Variants in SIDT2 observed in about 807,000 individuals in gnomAD.
The protein encoded by SIDT2 is SID1 transmembrane family member 2.
SIDT2 carries 68 observed loss-of-function variants against 114.4 expected under a neutral mutation model. The observed-to-expected ratio is 0.59, with a 90% confidence interval of 0.49 to 0.73. SIDT2 has a LOEUF of 0.73. Among genes scored for constraint, SIDT2 ranks in the 30% least tolerant of loss-of-function variants. The pLI is 0.00. For synonymous variants in SIDT2, 470 were observed against 438.4 expected (o/e 1.07, Z -0.90); for missense variants, 918 against 1,097.1 (o/e 0.84, Z 2.31).
At chr11:117,194,870 C>T (rs540566665) in intron 24 of SIDT2, among the ~76,000 whole-genome samples, 15 of 152,020 alleles carry the variant, frequency 9.9e-5, no homozygotes, top group Admixed American at 6.6e-5. Context: ...GGGTGGATCA[C>T]GAGGTCAAGA....
intron 1 of SIDT2, among the ~76,000 whole-genome samples, chr11:117,181,148 G>C (rs1035869187): frequency 3.3e-5 from 5 of 152,114 alleles, no homozygotes; most frequent in African/African-American, 9.7e-5. Context: ...GGCCTCCACC[G>C]TGTTTCCTGG....
intron 24 of SIDT2, among the ~76,000 whole-genome samples, chr11:117,195,001 G>A (rs1031279513): frequency 6.7e-5 from 10 of 148,152 alleles, no homozygotes; most frequent in Non-Finnish European, 1.3e-4. Flanking sequence ...GCAGGAGAAC[G>A]GCTTGGACCC....
In SIDT2 at chr11:117,184,551, C is replaced by T. The variant is rs958702414; in HGVS notation, c.868+412C>T. The stretch of plus-strand genomic sequence containing the variant: ...AGATTGAGTCTCAGTTTCCCTGTCT[C>T]TATAACAGAGGGAGTAAAATTTGTC... On this transcript the variant is annotated intron_variant, in intron 8 of 25. Transcript: ENST00000324225. Among the ~76,000 whole-genome samples the T allele has an allele frequency of 2.0e-5, 3 of 152,142 alleles. 1 individual carries two copies. Among genetic ancestry groups the T allele is most frequent in the Admixed American group, 6.5e-5 (1 of 15,280 alleles).
At position 117,190,003 on chromosome 11, in the gene SIDT2, G is replaced by A. The variant is rs1373382183; in HGVS notation, c.1471G>A (p.Ala491Thr). The A allele has an allele frequency of 1.2e-6, 2 of 1,614,104 alleles. No homozygotes were observed. The highest frequency in any genetic ancestry group is 1.1e-5 in the South Asian group (1 of 91,082). ...QDICYYNFLCAHPLGNLSAFN... is the reference protein window; with the variant it reads ...QDICYYNFLCTHPLGNLSAFN... ...CATCTGCTACTACAACTTCCTCTGCGCCCACCCACTGGGCAATCTCAGGTG... is the reference window on the plus strand; with the variant it reads ...CATCTGCTACTACAACTTCCTCTGCACCCACCCACTGGGCAATCTCAGGTG... Residue 491 changes from alanine to threonine, a missense_variant, in exon 16 of 26, where the codon GCC (alanine) becomes ACC (threonine). Ala to Thr is a moderately conservative substitution (Grantham distance 58, BLOSUM62 0). Coordinates refer to ENST00000324225, the MANE Select transcript of SIDT2 (RefSeq NM_001040455.2). This position sits in a 1 kb window ranked among gnomAD's most constrained non-coding sequence, Gnocchi z 4.1.
intron 10 of SIDT2, 115 bp from the exon 11 acceptor site, chr11:117,187,263 G>A (rs1026792577): frequency 4.6e-5 from 50 of 1,093,508 alleles, no homozygotes; most frequent in Non-Finnish European, 6.3e-5. Flanking sequence ...GCTGCTTCTC[G>A]TCTGCTGGCA....
intron 24 of SIDT2, chr11:117,194,230 G>A (rs1314325706): frequency 3.0e-6 from 1 of 338,926 alleles, no homozygotes; most frequent in East Asian, 6.6e-5. Context: ...CAAGAAGATA[G>A]CCTGTGCAGG....
At chr11:117,195,671 G>A (rs1267144294) in intron 24 of SIDT2, 131 bp from the exon 25 acceptor site, 1 of 856,950 alleles carries the variant, frequency 1.2e-6, no homozygotes, top group Non-Finnish European at 1.9e-6. Context: ...AAGGACAAGG[G>A]ACAGGTCAGA....
Position 117,182,512 on chromosome 11 carries a change from C to A in SIDT2, c.517-7C>A, listed in dbSNP as rs1406779837. 6.2e-7 allele frequency: 1 copy of A among 1,612,950 alleles called. No individual in the cohort carries two copies. ...ATGGGGCTCTCCCTTCCTTCCTGCA[C>A]CCTCAGTACTTCAAGTATGAGTTCC... is the stretch of plus-strand genomic sequence containing the variant. On this transcript the variant is annotated splice_polypyrimidine_tract_variant and splice_region_variant and intron_variant, in intron 4 of 25. Transcript: ENST00000324225.
At position 117,186,651 on chromosome 11, in the gene SIDT2, C is replaced by A. The variant is rs1332505376; in HGVS notation, c.1015+15C>A. 5 of 1,549,536 alleles carry A rather than the reference C, an allele frequency of 3.2e-6. No individual in the cohort carries two copies. In the Admixed American group the frequency reaches 8.2e-5, roughly 25 times the overall value. ...CCCAGAAAGCGGTACCTCCAGGGGGCCTGGGTGGGGCGGGCACAGTGTGCT... is the reference window on the plus strand; with the variant it reads ...CCCAGAAAGCGGTACCTCCAGGGGGACTGGGTGGGGCGGGCACAGTGTGCT... On this transcript the variant is annotated intron_variant, in intron 10 of 25. Transcript: ENST00000324225.
intron 24 of SIDT2, among the ~76,000 whole-genome samples, chr11:117,194,959 C>T (rs1174540522): frequency 6.6e-6 from 1 of 151,476 alleles, no homozygotes; most frequent in Non-Finnish European, 1.5e-5. Flanking sequence ...TGATGGTGGG[C>T]GCCTGTAGTC....
Position 117,190,586 on chromosome 11 carries a change from C to T in SIDT2, c.1618-37C>T, listed in dbSNP as rs757040088. 11 of 1,515,918 alleles carry T rather than the reference C, an allele frequency of 7.3e-6. No homozygotes were observed. In the East Asian group the frequency reaches 1.7e-4, roughly 23 times the overall value. The allele number at this position is 1,515,918 out of a possible 1,614,324, so 93.9% of individuals were successfully genotyped here. A position where few individuals can be genotyped will look rare whatever the true frequency, so the allele number is the denominator to read the frequency against. On this transcript the variant is annotated intron_variant, in intron 17 of 25. Coordinates refer to ENST00000324225, the MANE Select transcript of SIDT2 (RefSeq NM_001040455.2). The surrounding 1 kb of genome is among the most constrained non-coding windows in gnomAD (Gnocchi z 4.1). ...GGTCCCTTCTTCCCTTCCTGCCTCA[C>T]TTCCTCCCTCCCTTCCCTTCTCTCT...
chr11:117,185,206 C>T (rs553889171), intron 8 of SIDT2, among the ~76,000 whole-genome samples: 3 of 152,180 alleles, frequency 2.0e-5, no homozygotes, highest in South Asian at 2.1e-4. Flanking sequence ...CCCGCCACCA[C>T]GCCCGGCTAA....
chr11:117,196,056 A>C lies in SIDT2; in HGVS notation c.2489A>C (p.Tyr830Ser), dbSNP rs1443343457. Residue 830 changes from tyrosine to serine, a missense_variant, in exon 26 of 26, where the codon TAT becomes TCT. Tyr to Ser is a moderately radical substitution (Grantham distance 144, BLOSUM62 -2). Transcript: ENST00000324225. The surrounding 1 kb of genome is among the most constrained non-coding windows in gnomAD (Gnocchi z 4.9). ...GATACTGTGCAGCGGGACAAGATCTATGTCTTCTAGCAGGAGCTGGGCCCT... is the reference window on the plus strand; with the variant it reads ...GATACTGTGCAGCGGGACAAGATCTCTGTCTTCTAGCAGGAGCTGGGCCCT... ...DLDTVQRDKI[Y>S]VF The C allele has an allele frequency of 2.5e-6, 4 of 1,614,202 alleles. No individual in the cohort carries two copies. Among genetic ancestry groups the C allele is most frequent in the Non-Finnish European group, 3.4e-6 (4 of 1,180,030 alleles).
intron 10 of SIDT2, 105 bp from the exon 11 acceptor site, chr11:117,187,273 A>C (rs2030531373): frequency 8.6e-7 from 1 of 1,164,448 alleles, no homozygotes; most frequent in African/African-American, 1.5e-5. Context: ...GTCTGCTGGC[A>C]TGGCCTCCCT....
chr11:117,190,596 C>CCCTTCCCTT lies in SIDT2; in HGVS notation c.1618-25_1618-17dup, dbSNP rs2030664351. The CCCTTCCCTT allele has an allele frequency of 6.5e-7, 1 of 1,536,792 alleles. No individual in the cohort carries two copies. Among genetic ancestry groups the CCCTTCCCTT allele is most frequent in the African/African-American group, 1.4e-5 (1 of 73,280 alleles). ...TCCCTTCCTGCCTCACTTCCTCCCT[C>CCCTTCCCTT]CCTTCCCTTCTCTCTCTCCCCAACA... On this transcript the variant is annotated intron_variant, in intron 17 of 25. Transcript: ENST00000324225. This position sits in a 1 kb window ranked among gnomAD's most constrained non-coding sequence, Gnocchi z 4.1.
rs1221276883 is a variant in SIDT2, at chr11:117,192,210, T to C, written c.1873-44T>C. On this transcript the variant is annotated intron_variant, in intron 19 of 25. Transcript: ENST00000324225. This position sits in a 1 kb window ranked among gnomAD's most constrained non-coding sequence, Gnocchi z 5.9. Reference sequence around the variant, plus strand: ...AGGAAGGGTGGGCCATCCGAGCCACTTCCCTCTCCACCCTCACCGCTGCCC... The same window carrying C: ...AGGAAGGGTGGGCCATCCGAGCCACCTCCCTCTCCACCCTCACCGCTGCCC... 1 of 1,479,118 alleles carries C rather than the reference T, an allele frequency of 6.8e-7. No individual in the cohort carries two copies. Among genetic ancestry groups the C allele is most frequent in the Non-Finnish European group, 9.5e-7 (1 of 1,057,826 alleles). 91.6% of individuals were successfully genotyped at this position (1,479,118 alleles called of 1,614,324 possible). A position where few individuals can be genotyped will look rare whatever the true frequency, so the allele number is the denominator to read the frequency against.
intron 9 of SIDT2, 48 bp downstream of exon 9, chr11:117,186,271 G>A (rs768931160): frequency 3.3e-5 from 51 of 1,541,002 alleles, no homozygotes; most frequent in Admixed American, 8.4e-5. Flanking sequence ...GTTTGGGCAG[G>A]TGTGTGGGGC....
At position 117,184,888 on chromosome 11, in the gene SIDT2, G is replaced by A. The variant is rs1359327546; in HGVS notation, c.868+749G>A. Among the ~76,000 whole-genome samples, 3 of 152,100 alleles carry A rather than the reference G, an allele frequency of 2.0e-5. No individual in the cohort carries two copies. In the East Asian group the frequency reaches 5.8e-4, roughly 29 times the overall value. On this transcript the variant is annotated intron_variant, in intron 8 of 25. Coordinates refer to ENST00000324225, the MANE Select transcript of SIDT2 (RefSeq NM_001040455.2). ...TTACAGGCACCTGCCGCCATGCCCA[G>A]CTAATTTTTGTATTTTTAGTAGAGA...
In SIDT2 at chr11:117,192,036, C is replaced by T. The variant is rs1175527240; in HGVS notation, c.1872+22C>T. Reference sequence around the variant, plus strand: ...CGTGGTGAGGGCCTGACCTGCTCTGCTCAGCCTGTATGATAGGAAAGGTGC... The same window carrying T: ...CGTGGTGAGGGCCTGACCTGCTCTGTTCAGCCTGTATGATAGGAAAGGTGC... On this transcript the variant is annotated intron_variant, in intron 19 of 25. Transcript: ENST00000324225. The surrounding 1 kb of genome is among the most constrained non-coding windows in gnomAD (Gnocchi z 5.9). 3.1e-6 allele frequency: 5 copies of T among 1,613,788 alleles called. No individual in the cohort carries two copies. Among genetic ancestry groups the T allele is most frequent in the Middle Eastern group, 3.3e-4 (2 of 6,062 alleles).
Sources: allele counts gnomAD v4.1 joint callset (sites outside exome capture counted in the v4.1 genomes callset), GRCh38; gene constraint gnomAD v4.1.1; non-coding constraint Gnocchi (gnomAD v3.1); transcripts MANE v1.5; gene names NCBI Gene and HGNC (gene_info 2026-07-23, HGNC 2026-07-21).